YEATS2: variants seen among roughly 807,000 people sequenced by gnomAD.
YEATS2 encodes YEATS domain containing 2.
In YEATS2, 77 loss-of-function variants were observed where a neutral mutation model predicts 163.2. The ratio of observed to expected loss-of-function variants is 0.47; its 90% confidence interval spans 0.39 to 0.57. YEATS2 has a LOEUF of 0.57. Ranked by LOEUF, YEATS2 falls within the 20% of genes least tolerant of loss-of-function variation. The pLI, the probability that YEATS2 is intolerant of heterozygous loss-of-function variation, is 0.00. For missense variants in YEATS2, 1,549 were observed against 1,729.8 expected (o/e 0.90, Z 1.85); for synonymous variants, 631 against 645.1 (o/e 0.98, Z 0.33).
intron 5 of YEATS2, among the ~76,000 whole-genome samples, chr3:183,723,374 A>G (rs1375555304): frequency 1.3e-5 from 2 of 152,172 alleles, no homozygotes; most frequent in African/African-American, 2.4e-5. Context: ...CTTTCCACAT[A>G]CTTAGATGTC....
rs990922985 is a variant in YEATS2, at chr3:183,806,087, CA to C, written c.3785-777del. 1.0e-4 allele frequency: 37 copies of C among 352,884 alleles called. 1 individual carries two copies. The highest frequency in any genetic ancestry group is 7.7e-4 in the South Asian group (36 of 46,672). 21.9% of individuals were successfully genotyped at this position (352,884 alleles called of 1,614,324 possible). On this transcript the variant is annotated intron_variant, in intron 27 of 30. Transcript: ENST00000305135. Reference sequence around the variant, plus strand: ...CCTGTGATTTGATGTTGTGACTTTACAATGGTCTGAAAGCTGTAGGCATCAG... The same window carrying C: ...CCTGTGATTTGATGTTGTGACTTTACATGGTCTGAAAGCTGTAGGCATCAG...
chr3:183,730,504 T>G (rs1002075604), intron 7 of YEATS2, among the ~76,000 whole-genome samples: 8 of 152,172 alleles, frequency 5.3e-5, no homozygotes, highest in Non-Finnish European at 1.0e-4. Flanking sequence ...CTCTGCTGCT[T>G]CTTTAACCCT....
intron 21 of YEATS2, among the ~76,000 whole-genome samples, chr3:183,792,576 G>A (rs1326762329): frequency 6.6e-6 from 1 of 152,132 alleles, no homozygotes; most frequent in East Asian, 1.9e-4. Flanking sequence ...GGAGTGCAGT[G>A]GCATGATCTC....
chr3:183,735,264 C>G (rs1410471274), intron 7 of YEATS2, among the ~76,000 whole-genome samples: 2 of 152,222 alleles, frequency 1.3e-5, no homozygotes, highest in Non-Finnish European at 2.9e-5. Context: ...AATGACCAAA[C>G]TTCACATCAG....
intron 19 of YEATS2, among the ~76,000 whole-genome samples, chr3:183,780,273 A>G (rs775518398): frequency 1.3e-5 from 2 of 152,254 alleles, no homozygotes; most frequent in Non-Finnish European, 2.9e-5. Context: ...GGGCATGGAG[A>G]ACACTGGAAA....
rs1425043174 is a variant in YEATS2 at position 183,810,816 on chromosome 3, C to T, written c.*233C>T. On this transcript the variant is annotated 3_prime_UTR_variant, in exon 31 of 31. Transcript: ENST00000305135. ...GAGTGAGGCTGTCAGTGGATCCGTG[C>T]TTTGTCGGCCAGCGTTTCTGCAGTC... is the stretch of plus-strand genomic sequence containing the variant. 5.8e-6 allele frequency: 3 copies of T among 513,074 alleles called. No homozygotes were observed. Among genetic ancestry groups the T allele is most frequent in the Admixed American group, 6.5e-5 (2 of 30,690 alleles). The allele number at this position is 513,074 out of a possible 1,614,324, so 31.8% of individuals were successfully genotyped here. A position where few individuals can be genotyped will look rare whatever the true frequency, so the allele number is the denominator to read the frequency against.
chr3:183,749,032 TC>T (rs916654484), intron 9 of YEATS2, among the ~76,000 whole-genome samples: 5 of 152,024 alleles, frequency 3.3e-5, no homozygotes, highest in African/African-American at 1.2e-4. Flanking sequence ...AAGCTCCGCC[TC>T]CCGGGTTCAC....
At position 183,715,131 on chromosome 3, in the gene YEATS2, C is replaced by T. The variant is rs755152667; in HGVS notation, c.-19-13C>T. On this transcript the variant is annotated splice_polypyrimidine_tract_variant and intron_variant, in intron 1 of 30. Transcript: ENST00000305135. Reference sequence around the variant, plus strand: ...GAATAATTAAAAATTATTAATTTATCATTGCTTCACAGTGAAGAACTGAAT... The same window carrying T: ...GAATAATTAAAAATTATTAATTTATTATTGCTTCACAGTGAAGAACTGAAT... 13 of 1,495,640 alleles carry T rather than the reference C, an allele frequency of 8.7e-6. No individual in the cohort carries two copies. In the Admixed American group the frequency reaches 1.8e-4, roughly 21 times the overall value. 92.6% of individuals were successfully genotyped at this position (1,495,640 alleles called of 1,614,324 possible).
chr3:183,808,940 A>T, intron 29 of YEATS2, 157 bp from the exon 30 acceptor site: 1 of 512,482 alleles, frequency 2.0e-6, no homozygotes, highest in Non-Finnish European at 3.6e-6. Context: ...CTTTATCATT[A>T]TGGTCTATTA....
At chr3:183,730,142 G>A (rs1278615548) in intron 7 of YEATS2, among the ~76,000 whole-genome samples, 1 of 113,516 alleles carries the variant, frequency 8.8e-6, no homozygotes, top group Admixed American at 1.4e-4. Flanking sequence ...TTGGCTCACT[G>A]CAACCTCCAC....
At chr3:183,769,510 A>T (rs1722239290) in intron 15 of YEATS2, among the ~76,000 whole-genome samples, 1 of 152,148 alleles carries the variant, frequency 6.6e-6, no homozygotes, top group Non-Finnish European at 1.5e-5. Context: ...CGGAGGGTAA[A>T]TGTTACCCAT....
At chr3:183,716,398 C>T (rs184883309) in intron 2 of YEATS2, among the ~76,000 whole-genome samples, 11 of 152,202 alleles carry the variant, frequency 7.2e-5, no homozygotes, top group Admixed American at 3.3e-4. Flanking sequence ...ACATAGGATC[C>T]GTAGAGTGGA....
intron 7 of YEATS2, among the ~76,000 whole-genome samples, chr3:183,730,593 A>G (rs1466098452): frequency 6.6e-6 from 1 of 151,978 alleles, no homozygotes; most frequent in African/African-American, 2.4e-5. Flanking sequence ...CCTTGATCAC[A>G]TTTATGGCTT....
intron 4 of YEATS2, among the ~76,000 whole-genome samples, chr3:183,719,366 A>G (rs1315061627): frequency 3.3e-5 from 5 of 151,862 alleles, no homozygotes; most frequent in Admixed American, 2.0e-4. Context: ...TGAACTCCCA[A>G]CTTCATGTGA....
In YEATS2 at chr3:183,756,514, T is replaced by C. The variant is rs1385098649; in HGVS notation, c.1391-14T>C. The stretch of plus-strand genomic sequence containing the variant: ...TGTGTATTTTGTTTGTATTCTCTCT[T>C]TTTAATTAATAAGGTTCCCCAATAT... On this transcript the variant is annotated splice_polypyrimidine_tract_variant and intron_variant, in intron 11 of 30. Transcript: ENST00000305135. 2.6e-6 allele frequency: 4 copies of C among 1,536,580 alleles called. No individual in the cohort carries two copies. The highest frequency in any genetic ancestry group is 1.7e-4 in the Middle Eastern group (1 of 5,776).
chr3:183,751,995 T>A, intron 9 of YEATS2, 78 bp from the exon 10 acceptor site: 1 of 1,497,356 alleles, frequency 6.7e-7, no homozygotes, highest in Non-Finnish European at 9.2e-7. Context: ...TCCCGGAGAT[T>A]ACATTCTTGG....
chr3:183,755,925 T>C (rs1395957019), intron 11 of YEATS2, among the ~76,000 whole-genome samples: 1 of 151,970 alleles, frequency 6.6e-6, no homozygotes, highest in African/African-American at 2.4e-5. Context: ...TTTGTATTTT[T>C]AGTAGAGACA....
intron 3 of YEATS2, 49 bp downstream of exon 3, chr3:183,717,797 G>T: frequency 8.8e-7 from 1 of 1,131,484 alleles, no homozygotes. Context: ...TGAAAAAAAT[G>T]TATACATGAT....
chr3:183,788,771 C>T (rs1724314135), intron 20 of YEATS2, among the ~76,000 whole-genome samples: 2 of 152,178 alleles, frequency 1.3e-5, no homozygotes, highest in South Asian at 2.1e-4. Context: ...CAGCAGTGTA[C>T]GAGGGTTCCC....
Sources: allele counts gnomAD v4.1 joint callset (sites outside exome capture counted in the v4.1 genomes callset), GRCh38; gene constraint gnomAD v4.1.1; transcripts MANE v1.5; gene names NCBI Gene and HGNC (gene_info 2026-07-23, HGNC 2026-07-21).